Variants in CDON observed in about 807,000 individuals in gnomAD.
The protein encoded by CDON is cell adhesion associated, oncogene regulated.
CDON carries 73 observed loss-of-function variants against 120.9 expected under a neutral mutation model. The ratio of observed to expected loss-of-function variants is 0.60; its 90% CI spans 0.50 to 0.73. The LOEUF (loss-of-function observed/expected upper bound fraction) is 0.73. CDON is among the 30% of genes least tolerant of loss of function. The probability of loss-of-function intolerance (pLI) is 0.00; values close to 1 mark genes in which losing one functional copy is unlikely to be tolerated. For synonymous variants in CDON, 566 were observed against 573.5 expected (o/e 0.99, Z 0.19); for missense variants, 1,470 against 1,587.3 (o/e 0.93, Z 1.26).
At chr11:126,025,121 C>T (rs1947758881) in intron 1 of CDON, among the ~76,000 whole-genome samples, 1 of 152,136 alleles carries the variant, frequency 6.6e-6, no homozygotes, top group Admixed American at 6.5e-5. Context: ...AGGACAATCG[C>T]TTGAACCTGG....
chr11:125,997,466 T>C (rs745629970), intron 11 of CDON, 56 bp from the exon 12 acceptor site: 18 of 1,292,162 alleles, frequency 1.4e-5, no homozygotes, highest in Non-Finnish European at 1.5e-5. Context: ...AAGAATAACA[T>C]AGTTAAATTA....
chr11:125,994,723 T>C (rs1591364961), intron 13 of CDON, 148 bp downstream of exon 13: 1 of 736,098 alleles, frequency 1.4e-6, no homozygotes, highest in East Asian at 2.7e-5. Context: ...AAATATGTGC[T>C]CTTATTTAGA....
intron 14 of CDON, among the ~76,000 whole-genome samples, chr11:125,993,928 T>C (rs1946702989): frequency 6.6e-6 from 1 of 152,240 alleles, no homozygotes; most frequent in Admixed American, 6.5e-5. Context: ...TAGGACAGAC[T>C]CCAGTGAAAA....
At chr11:125,990,684 T>A (rs2134498981) in intron 14 of CDON, among the ~76,000 whole-genome samples, 1 of 152,272 alleles carries the variant, frequency 6.6e-6, no homozygotes, top group Non-Finnish European at 1.5e-5. Flanking sequence ...AAACCACACA[T>A]GCAAGTTAAA....
At position 126,017,364 on chromosome 11, in the gene CDON, C is replaced by T; in HGVS notation, c.652G>A (p.Asp218Asn). The T allele has an allele frequency of 6.2e-7, 1 of 1,614,098 alleles. No homozygotes were observed. Among genetic ancestry groups the T allele is most frequent in the Non-Finnish European group, 8.5e-7 (1 of 1,179,972 alleles). ...RKLLVSRPSSDDVHILHPTHS... is the reference protein window; with the variant it reads ...RKLLVSRPSSNDVHILHPTHS... ...GTGGGGTGAAGAATGTGAACATCAT[C>T]TGAAGAAGGACCTGGAAAAGGAAAG... Residue 218 changes from aspartate to asparagine, a missense_variant, in exon 6 of 20, where the codon GAT becomes AAT. Physicochemically the swap from Asp to Asn is conservative, Grantham distance 23. Transcript: ENST00000531738.
chr11:126,058,870 T>G (rs1048249106), intron 1 of CDON, among the ~76,000 whole-genome samples: 1 of 152,220 alleles, frequency 6.6e-6, no homozygotes, highest in African/African-American at 2.4e-5. Context: ...TCCAAAGATT[T>G]TACAGAATGT....
chr11:126,022,494 A>C (rs1039903269), intron 2 of CDON, among the ~76,000 whole-genome samples: 1 of 152,204 alleles, frequency 6.6e-6, no homozygotes, highest in African/African-American at 2.4e-5. Context: ...GTGTTCTTGC[A>C]CTGAAGTATC....
intron 18 of CDON, among the ~76,000 whole-genome samples, chr11:125,963,661 A>G (rs1945711835): frequency 6.6e-6 from 1 of 152,228 alleles, no homozygotes; most frequent in South Asian, 2.1e-4. Context: ...CTTTAGTTTC[A>G]AATAGAGAAA....
At chr11:126,024,417 T>C (rs778193684) in intron 1 of CDON, among the ~76,000 whole-genome samples, 33 of 152,220 alleles carry the variant, frequency 2.2e-4, no homozygotes, top group South Asian at 6.2e-4. Flanking sequence ...AGAAAAGTAG[T>C]TGGATTCAGA....
intron 18 of CDON, among the ~76,000 whole-genome samples, chr11:125,965,613 TTAAGTGGGA>T (rs1945775532): frequency 6.6e-6 from 1 of 152,178 alleles, no homozygotes; most frequent in Non-Finnish European, 1.5e-5. Context: ...CCCTAGGCTT[TTAAGTGGGA>T]CCCTTGAAGG....
chr11:126,015,542 C>T (rs1353563208), intron 6 of CDON, 32 bp from the exon 7 acceptor site: 7 of 1,608,796 alleles, frequency 4.4e-6, no homozygotes, highest in Non-Finnish European at 5.1e-6. Context: ...TAAACTCTAG[C>T]CCTCAAAATG....
rs575610005 is a variant in CDON, at chr11:126,028,922, T to C, written c.-61-5385A>G. Among the ~76,000 whole-genome samples the C allele has an allele frequency of 3.9e-5, 6 of 152,246 alleles. No homozygotes were observed. The East Asian group carries it at 9.7e-4, about 25-fold the overall frequency. On this transcript the variant is annotated intron_variant, in intron 1 of 19. Coordinates refer to ENST00000531738, the MANE Select transcript of CDON (RefSeq NM_001378964.1). ...AAATCTTAAACCACTCTTCTAATTATGCCCTTAGGACATTTTTAGGAATAG... is the reference window on the plus strand; with the variant it reads ...AAATCTTAAACCACTCTTCTAATTACGCCCTTAGGACATTTTTAGGAATAG...
intron 7 of CDON, among the ~76,000 whole-genome samples, chr11:126,011,868 T>C (rs567464830): frequency 1.9e-3 from 285 of 152,368 alleles, no homozygotes; most frequent in Middle Eastern, 0.01. Context: ...ATGTATCTTT[T>C]ATACAATGTG....
At chr11:125,994,239 C>A (rs370903099) in intron 14 of CDON, 45 bp downstream of exon 14, 1 of 978,860 alleles carries the variant, frequency 1.0e-6, no homozygotes, top group African/African-American at 1.6e-5. Flanking sequence ...AACCTTCTTT[C>A]TCCAAAGCGC....
chr11:125,977,090 A>G (rs1156348923), intron 18 of CDON, among the ~76,000 whole-genome samples: 1 of 152,218 alleles, frequency 6.6e-6, no homozygotes, highest in Admixed American at 6.5e-5. Context: ...CCAGGTCTTT[A>G]GCACGTTGCC....
intron 1 of CDON, among the ~76,000 whole-genome samples, chr11:126,054,839 T>C (rs1948646611): frequency 6.6e-6 from 1 of 152,134 alleles, no homozygotes; most frequent in South Asian, 2.1e-4. Flanking sequence ...AAAATCACAT[T>C]GTCCTTAAGG....
At chr11:126,013,495 T>G (rs903459941) in intron 7 of CDON, among the ~76,000 whole-genome samples, 5 of 152,222 alleles carry the variant, frequency 3.3e-5, no homozygotes, top group Admixed American at 6.5e-5. Context: ...GGTGTAGGAC[T>G]ATTCAAGCTT....
rs375157917 is a variant in CDON, at chr11:126,010,591, C to G, written c.1302G>C (p.Pro434=). The part of the protein sequence containing the change: ...LSCNASGLPV[P]VIRWYDSHGL... ...CATGGCTGTCATACCAACGAATGAC[C>G]GGAACCGGCAGCCCACTGGCATTGC... Residue 434 remains proline, a synonymous_variant, in exon 8 of 20, where the codon CCG becomes CCC. Transcript: ENST00000531738. The G allele has an allele frequency of 6.2e-7, 1 of 1,614,040 alleles. No homozygotes were observed. The highest frequency in any genetic ancestry group is 8.5e-7 in the Non-Finnish European group (1 of 1,179,968).
chr11:125,970,179 T>TG (rs1263861230), intron 18 of CDON, among the ~76,000 whole-genome samples: 1 of 126,182 alleles, frequency 7.9e-6, no homozygotes, highest in Non-Finnish European at 1.8e-5. Context: ...TATGTTTTTT[T>TG]TTTTTTTTTT....
Sources: gnomAD v4.1 joint callset for allele counts (sites outside exome capture counted in the v4.1 genomes callset) on GRCh38, gnomAD v4.1.1 for gene constraint, MANE v1.5 for transcripts, NCBI Gene and HGNC (gene_info 2026-07-23, HGNC 2026-07-21) for gene names.